ATXN8OS: variants seen among roughly 807,000 people sequenced by gnomAD.
The protein encoded by ATXN8OS is ATXN8 opposite strand lncRNA, also known as ATXN8 opposite strand (non-protein coding).
At chr13:70,145,282 C>T (rs1001174278) in intron 3 of ATXN8OS, among the ~76,000 whole-genome samples, 75 of 152,100 alleles carry the variant, frequency 4.9e-4, no homozygotes, top group African/African-American at 1.7e-3. Context: ...AGTCAGGTAG[C>T]GTGATGACTC....
At chr13:70,126,749 G>A (rs1403550959) in intron 2 of ATXN8OS, among the ~76,000 whole-genome samples, 2 of 151,080 alleles carry the variant, frequency 1.3e-5, no homozygotes, top group Non-Finnish European at 3.0e-5. Context: ...TCTATAAATA[G>A]ACATAAATGG....
chr13:70,131,047 T>C, intron 3 of ATXN8OS: 1 of 398,492 alleles, frequency 2.5e-6, no homozygotes, highest in Non-Finnish European at 4.4e-6. Context: ...TCTCAACAGG[T>C]GATTATTCTT....
chr13:70,159,471 A>G (rs1593777208), intron 4 of ATXN8OS, among the ~76,000 whole-genome samples: 1 of 152,144 alleles, frequency 6.6e-6, no homozygotes, highest in East Asian at 1.9e-4. Context: ...TGAATATGAT[A>G]TTCTTTTTGG....
chr13:70,109,241 C>G (rs539860798), intron 1 of ATXN8OS, among the ~76,000 whole-genome samples: 1 of 152,148 alleles, frequency 6.6e-6, no homozygotes, highest in Non-Finnish European at 1.5e-5. Context: ...GTGAGGATTG[C>G]GATCACTTTC....
chr13:70,158,262 A>G (rs1287092597), intron 4 of ATXN8OS, among the ~76,000 whole-genome samples: 4 of 152,036 alleles, frequency 2.6e-5, no homozygotes, highest in Admixed American at 1.3e-4. Context: ...TACTAAAAAT[A>G]CAAAAATTAG....
intron 4 of ATXN8OS, among the ~76,000 whole-genome samples, chr13:70,165,581 A>G (rs185427589): frequency 6.2e-4 from 95 of 152,156 alleles, no homozygotes; most frequent in Non-Finnish European, 7.8e-4. Context: ...GTTAGGATTC[A>G]TCAGTGAATA....
intron 4 of ATXN8OS, among the ~76,000 whole-genome samples, chr13:70,156,922 G>A (rs2137502415): frequency 6.6e-6 from 1 of 152,208 alleles, no homozygotes; most frequent in South Asian, 2.1e-4. Flanking sequence ...CCAACAGCAT[G>A]ATATTGTGAT....
upstream of ATXN8OS, chr13:70,107,660 T>G (rs762708051): frequency 7.8e-6 from 12 of 1,541,748 alleles, no homozygotes; most frequent in Middle Eastern, 1.8e-4. Context: ...AGTCGCAGAA[T>G]GTGCTTCACA....
intron 4 of ATXN8OS, among the ~76,000 whole-genome samples, chr13:70,167,723 C>CTTTTTTTTT (rs4053603): frequency 9.7e-5 from 6 of 61,880 alleles, no homozygotes; most frequent in African/African-American, 2.2e-4. Flanking sequence ...TATGTAACTT[C>CTTTTTTTTT]TTTTTTTTTT....
intron 4 of ATXN8OS, among the ~76,000 whole-genome samples, chr13:70,152,390 T>C (rs1366529017): frequency 6.6e-6 from 1 of 151,918 alleles, no homozygotes; most frequent in Non-Finnish European, 1.5e-5. Flanking sequence ...TACATATATA[T>C]ACACATATAT....
intron 3 of ATXN8OS, among the ~76,000 whole-genome samples, chr13:70,143,749 G>T (rs981583975): frequency 9.9e-5 from 15 of 152,052 alleles, no homozygotes; most frequent in African/African-American, 3.4e-4. Context: ...GATTTTTATG[G>T]CAGAATTCGT....
chr13:70,111,660 C>G (rs1888200272), intron 1 of ATXN8OS, among the ~76,000 whole-genome samples: 1 of 152,144 alleles, frequency 6.6e-6, no homozygotes, highest in Non-Finnish European at 1.5e-5. Flanking sequence ...TAGCAGAATT[C>G]AAGAATTTTC....
intron 1 of ATXN8OS, among the ~76,000 whole-genome samples, chr13:70,110,818 C>G (rs1888190062): frequency 6.6e-6 from 1 of 152,018 alleles, no homozygotes; most frequent in Middle Eastern, 3.2e-3. Flanking sequence ...TGGAAGAACC[C>G]ACAAAAGAGG....
At chr13:70,154,671 T>C (rs1788095265) in intron 4 of ATXN8OS, among the ~76,000 whole-genome samples, 2 of 152,198 alleles carry the variant, frequency 1.3e-5, no homozygotes, top group African/African-American at 2.4e-5. Context: ...TCTAATGTGC[T>C]CTAGAGACTC....
At chr13:70,134,306 A>T (rs1324715907) in intron 3 of ATXN8OS, among the ~76,000 whole-genome samples, 1 of 152,216 alleles carries the variant, frequency 6.6e-6, no homozygotes, top group East Asian at 1.9e-4. Flanking sequence ...AACTGAGTGA[A>T]GCATTTTATA....
At chr13:70,111,600 C>G (rs1188467495) in intron 1 of ATXN8OS, among the ~76,000 whole-genome samples, 1 of 152,176 alleles carries the variant, frequency 6.6e-6, no homozygotes, top group Non-Finnish European at 1.5e-5. Flanking sequence ...TATTCCACAA[C>G]AGAGATTAAA....
At chr13:70,121,804 G>T (rs2137476003) in intron 2 of ATXN8OS, among the ~76,000 whole-genome samples, 1 of 152,152 alleles carries the variant, frequency 6.6e-6, no homozygotes, top group African/African-American at 2.4e-5. Context: ...GTAAAGGTAA[G>T]ATCTTAGAGA....
chr13:70,150,062 C>A (rs1332192431), intron 4 of ATXN8OS, among the ~76,000 whole-genome samples: 1 of 152,044 alleles, frequency 6.6e-6, no homozygotes, highest in African/African-American at 2.4e-5. Context: ...CCCTTAAACA[C>A]GAGTGATGTT....
In ATXN8OS at chr13:70,160,836, T is replaced by A. The variant is rs1285914175; in HGVS notation, n.574-8917T>A. Among the ~76,000 whole-genome samples, 916 of 140,472 alleles carry A rather than the reference T, an allele frequency of 6.5e-3. 215 individuals carry two copies. The highest frequency in any genetic ancestry group is 0.022 in the African/African-American group (817 of 37,990). 92.2% of individuals were successfully genotyped at this position (140,472 alleles called of 152,430 possible). A position where few individuals can be genotyped will look rare whatever the true frequency, so the allele number is the denominator to read the frequency against. On this transcript the variant is annotated intron_variant and non_coding_transcript_variant, in intron 4 of 4. Transcript: ENST00000678624. The stretch of plus-strand genomic sequence containing the variant: ...ATATATATAAATATATATTTATATA[T>A]ATAAATATATTTATATTTTATGTCT...
Sources: allele counts gnomAD v4.1 joint callset (sites outside exome capture counted in the v4.1 genomes callset), GRCh38; gene constraint gnomAD v4.1.1; transcripts MANE v1.5; gene names NCBI Gene and HGNC (gene_info 2026-07-23, HGNC 2026-07-21).